NODAL: variants seen among roughly 807,000 people sequenced by gnomAD.
NODAL encodes the protein nodal growth differentiation factor, also known as nodal homolog.
In NODAL, 12 loss-of-function variants were observed where a neutral mutation model predicts 34.0. The observed-to-expected ratio is 0.35, with a 90% confidence interval of 0.23 to 0.57. The LOEUF (loss-of-function observed/expected upper bound fraction) is 0.57. NODAL is among the 20% of genes least tolerant of loss of function. NODAL has a pLI of 0.83. For missense variants in NODAL, 390 were observed against 444.2 expected (o/e 0.88, Z 1.10); for synonymous variants, 162 against 186.4 (o/e 0.87, Z 1.07).
chr10:70,442,261 G>A (rs974191545), upstream of NODAL, among the ~76,000 whole-genome samples: 1 of 152,256 alleles, frequency 6.6e-6, no homozygotes, highest in South Asian at 2.1e-4. Flanking sequence ...GGACCAGGAC[G>A]ATGACTTCTC....
In NODAL at chr10:70,432,646, C is replaced by T. The variant is rs1000772283; in HGVS notation, c.*290G>A. 2.2e-6 allele frequency: 1 copy of T among 458,196 alleles called. No homozygotes were observed. Among genetic ancestry groups the T allele is most frequent in the African/African-American group, 2.0e-5 (1 of 50,714 alleles). 28.4% of individuals were successfully genotyped at this position (458,196 alleles called of 1,614,324 possible). On this transcript the variant is annotated 3_prime_UTR_variant, in exon 3 of 3. Coordinates refer to ENST00000287139, the MANE Select transcript of NODAL (RefSeq NM_018055.5). The stretch of plus-strand genomic sequence containing the variant: ...GGTTTTTAAAAAATCCAGTAAAGAA[C>T]TCATGCACTTGTGCTTTTCCTTGCC...
chr10:70,439,679 C>T (rs1176532178), intron 1 of NODAL, among the ~76,000 whole-genome samples: 4 of 152,226 alleles, frequency 2.6e-5, no homozygotes, highest in Non-Finnish European at 2.9e-5. Flanking sequence ...GGGGCCAGGA[C>T]ATCCCTTCTC....
At chr10:70,444,789 G>A (rs1298579197), upstream of NODAL, among the ~76,000 whole-genome samples, 1 of 152,144 alleles carries the variant, frequency 6.6e-6, no homozygotes, top group Non-Finnish European at 1.5e-5. Context: ...TGCTTTACAA[G>A]CTCTAAAACC....
intron 1 of NODAL, among the ~76,000 whole-genome samples, chr10:70,440,298 C>T (rs1409345798): frequency 2.6e-5 from 4 of 152,144 alleles, no homozygotes; most frequent in Non-Finnish European, 5.9e-5. Context: ...CTTCTTTGCC[C>T]CCTCCCATCC....
chr10:70,439,396 C>T (rs1336490814), intron 1 of NODAL, among the ~76,000 whole-genome samples: 1 of 152,172 alleles, frequency 6.6e-6, no homozygotes, highest in Non-Finnish European at 1.5e-5. Context: ...TGAGGCAGGG[C>T]TGTAAGGACC....
In NODAL at chr10:70,441,570, C is replaced by T. The variant is rs760567592; in HGVS notation, c.98G>A (p.Gly33Glu). Reference sequence around the variant, plus strand: ...CAGAGGGGATGGCGACGAGGGCTGCCCCCGCGTACGCAGGAGCGCAGTGGC... The same window carrying T: ...CAGAGGGGATGGCGACGAGGGCTGCTCCCGCGTACGCAGGAGCGCAGTGGC... ...TVATALLRTR[G>E]QPSSPSPLAY... The change falls in exon 1 of 3, where the codon GGG (glycine) becomes GAG (glutamate). Residue 33 changes from glycine to glutamate, a missense_variant. By Grantham distance (98) the Gly-to-Glu change is moderately conservative. Transcript: ENST00000287139. The T allele has an allele frequency of 6.4e-7, 1 of 1,574,528 alleles. No individual in the cohort carries two copies. The highest frequency in any genetic ancestry group is 1.2e-5 in the South Asian group (1 of 86,040).
chr10:70,440,934 C>G (rs1845423320), intron 1 of NODAL, among the ~76,000 whole-genome samples: 1 of 152,130 alleles, frequency 6.6e-6, no homozygotes. Context: ...TTCACCCTCA[C>G]TCGCAGAAAG....
intron 1 of NODAL, 41 bp downstream of exon 1, chr10:70,441,434 C>T (rs1342105010): frequency 1.2e-5 from 19 of 1,543,234 alleles, no homozygotes; most frequent in Non-Finnish European, 1.6e-5. Context: ...CGGAGGCGCC[C>T]CGGGGGTGCC....
chr10:70,437,291 A>G (rs1165410078), intron 1 of NODAL, among the ~76,000 whole-genome samples: 1 of 152,060 alleles, frequency 6.6e-6, no homozygotes, highest in African/African-American at 2.4e-5. Flanking sequence ...AAAAATACAA[A>G]ATTAGCCGGG....
At chr10:70,441,984 C>T (rs1382239802), upstream of NODAL, among the ~76,000 whole-genome samples, 1 of 152,152 alleles carries the variant, frequency 6.6e-6, no homozygotes, top group Non-Finnish European at 1.5e-5. Flanking sequence ...CAGGCTTGTC[C>T]CGGCAGATTC....
intron 2 of NODAL, among the ~76,000 whole-genome samples, chr10:70,433,963 T>C (rs1256347718): frequency 6.6e-6 from 1 of 152,110 alleles, no homozygotes; most frequent in African/African-American, 2.4e-5. Flanking sequence ...GTCTTTGTGG[T>C]GCTCCAGGTG....
In NODAL at chr10:70,435,277, G is replaced by T. The variant is rs1244386912; in HGVS notation, c.891+9C>A. 6.2e-7 allele frequency: 1 copy of T among 1,601,542 alleles called. No homozygotes were observed. The highest frequency in any genetic ancestry group is 8.5e-7 in the Non-Finnish European group (1 of 1,173,626). ...CTGCCTCCCCTCCCCCTCACGCCTG[G>T]CATCCCACCTGGATGTATGCATGGT... On this transcript the variant is annotated intron_variant, in intron 2 of 2. Coordinates refer to ENST00000287139, the MANE Select transcript of NODAL (RefSeq NM_018055.5).
At chr10:70,435,265 C>T in intron 2 of NODAL, 21 bp downstream of exon 2, 1 of 1,587,664 alleles carries the variant, frequency 6.3e-7, no homozygotes, top group Non-Finnish European at 8.6e-7. Context: ...CCTCCCCTCC[C>T]CCTCACGCCT....
chr10:70,447,407 G>A (rs940710272), intron 1 of NODAL, among the ~76,000 whole-genome samples: 16 of 152,078 alleles, frequency 1.1e-4, no homozygotes, highest in East Asian at 3.9e-4. Context: ...GCATCAGGGC[G>A]GGGTGTGGTG....
rs574017079 is a variant in NODAL at position 70,432,665 on chromosome 10, C to T, written c.*271G>A. On this transcript the variant is annotated 3_prime_UTR_variant, in exon 3 of 3. Transcript: ENST00000287139. The stretch of plus-strand genomic sequence containing the variant: ...AAAGAACTCATGCACTTGTGCTTTT[C>T]CTTGCCACTGTCTTTTCAGTAAAGA... 37 of 499,874 alleles carry T rather than the reference C, an allele frequency of 7.4e-5. No individual in the cohort carries two copies. Among genetic ancestry groups the T allele is most frequent in the South Asian group, 6.2e-4 (30 of 48,114 alleles). The allele number at this position is 499,874 out of a possible 1,614,324, so 31.0% of individuals were successfully genotyped here.
In NODAL at chr10:70,432,764, T is replaced by G; in HGVS notation, c.*172A>C. 1 of 720,810 alleles carries G rather than the reference T, an allele frequency of 1.4e-6. No homozygotes were observed. Among genetic ancestry groups the G allele is most frequent in the Non-Finnish European group, 2.4e-6 (1 of 413,556 alleles). 44.7% of individuals were successfully genotyped at this position (720,810 alleles called of 1,614,324 possible). On this transcript the variant is annotated 3_prime_UTR_variant, in exon 3 of 3. Coordinates refer to ENST00000287139, the MANE Select transcript of NODAL (RefSeq NM_018055.5). Reference sequence around the variant, plus strand: ...CAGCAGCCTCTGTGCTTGGCCAGACTCCACTGAGCCCTTCATTTACAGAGT... The same window carrying G: ...CAGCAGCCTCTGTGCTTGGCCAGACGCCACTGAGCCCTTCATTTACAGAGT...
chr10:70,440,377 C>T (rs1315263302), intron 1 of NODAL, among the ~76,000 whole-genome samples: 1 of 152,188 alleles, frequency 6.6e-6, no homozygotes, highest in Non-Finnish European at 1.5e-5. Context: ...CCGAGGGTGT[C>T]CCCTGGTCTG....
chr10:70,444,329 CTTTT>C (rs34924993), upstream of NODAL, among the ~76,000 whole-genome samples: 12 of 124,142 alleles, frequency 9.7e-5, no homozygotes, highest in Non-Finnish European at 5.3e-5. Context: ...TCCAGTGATA[CTTTT>C]TTTTTTTTTT....
In NODAL at chr10:70,435,452, T is replaced by C. The variant is rs1383794491; in HGVS notation, c.725A>G (p.Asp242Gly). ...GACCTTCCGACACAGTTGACTTCTG[T>C]CTGGCAAGTGATGTCGACGGTGCCT... is the stretch of plus-strand genomic sequence containing the variant. ...GKRHRRHHLPDRSQLCRKVKF... is the reference protein window; with the variant it reads ...GKRHRRHHLPGRSQLCRKVKF... Residue 242 changes from aspartate (D) to glycine (G), a missense_variant, in exon 2 of 3, where the codon GAC becomes GGC. Physicochemically the swap from Asp to Gly is moderately conservative, Grantham distance 94 (BLOSUM62 -1). Coordinates refer to ENST00000287139, the MANE Select transcript of NODAL (RefSeq NM_018055.5). 1.2e-6 allele frequency: 2 copies of C among 1,614,182 alleles called. No individual in the cohort carries two copies.
Sources: allele counts gnomAD v4.1 joint callset (sites outside exome capture counted in the v4.1 genomes callset), GRCh38; gene constraint gnomAD v4.1.1; transcripts MANE v1.5; gene names NCBI Gene and HGNC (gene_info 2026-07-23, HGNC 2026-07-21).